Variants in CELSR3 observed in about 807,000 individuals in gnomAD.
CELSR3 encodes EGF-like protein 1.
In CELSR3, 73 loss-of-function variants were observed where a neutral mutation model predicts 270.0. The observed-to-expected ratio is 0.27, with a 90% confidence interval of 0.22 to 0.33. CELSR3 has a LOEUF of 0.33. Ranked by LOEUF, CELSR3 falls within the 10% of genes least tolerant of loss-of-function variation. The probability of loss-of-function intolerance (pLI) is 1.00; values close to 1 mark genes in which losing one functional copy is unlikely to be tolerated. For missense variants in CELSR3, 3,614 were observed against 4,533.8 expected, an observed-to-expected ratio of 0.80 and a Z score of 5.83; for synonymous variants, 1,780 against 1,905.4, an observed-to-expected ratio of 0.93 and a Z score of 1.71.
At position 48,645,711 on chromosome 3, in the gene CELSR3, C is replaced by G. The variant is rs200399505; in HGVS notation, c.7590+31G>C. Reference sequence around the variant, plus strand: ...GAATCCCCGTGTCCCTTTGACCCCCCACTTCCTTGGGACACTGAACACAGC... The same window carrying G: ...GAATCCCCGTGTCCCTTTGACCCCCGACTTCCTTGGGACACTGAACACAGC... On this transcript the variant is annotated intron_variant, in intron 23 of 34. Coordinates refer to ENST00000164024, the MANE Select transcript of CELSR3 (RefSeq NM_001407.3). The surrounding 1 kb of genome is among the most constrained non-coding windows in gnomAD (Gnocchi z 5.4). The G allele has an allele frequency of 1.3e-4, 215 of 1,600,748 alleles. No individual in the cohort carries two copies. Among genetic ancestry groups the G allele is most frequent in the Non-Finnish European group, 1.8e-4 (207 of 1,170,320 alleles).
chr3:48,641,775 A>C lies in CELSR3; in HGVS notation c.8824+76T>G. On this transcript the variant is annotated intron_variant, in intron 32 of 34. Coordinates refer to ENST00000164024, the MANE Select transcript of CELSR3 (RefSeq NM_001407.3). The surrounding 1 kb of genome is among the most constrained non-coding windows in gnomAD (Gnocchi z 4.8). ...AAAGACCAGGATGAACCCCAACCGC[A>C]GGAAAGATGGGGAGCTGGAGGGATA... is the stretch of plus-strand genomic sequence containing the variant. 2 of 1,357,362 alleles carry C rather than the reference A, an allele frequency of 1.5e-6. No individual in the cohort carries two copies. Among genetic ancestry groups the C allele is most frequent in the Non-Finnish European group, 2.0e-6 (2 of 1,025,276 alleles). 84.1% of individuals were successfully genotyped at this position (1,357,362 alleles called of 1,614,324 possible). A position where few individuals can be genotyped will look rare whatever the true frequency, so the allele number is the denominator to read the frequency against.
At position 48,641,745 on chromosome 3, in the gene CELSR3, G is replaced by C. The variant is rs2047028360; in HGVS notation, c.8824+106C>G. 8.3e-7 allele frequency: 1 copy of C among 1,199,648 alleles called. No homozygotes were observed. Among genetic ancestry groups the C allele is most frequent in the Non-Finnish European group, 1.1e-6 (1 of 883,340 alleles). The allele number at this position is 1,199,648 out of a possible 1,614,324, so 74.3% of individuals were successfully genotyped here. On this transcript the variant is annotated intron_variant, in intron 32 of 34. Transcript: ENST00000164024. This position sits in a 1 kb window ranked among gnomAD's most constrained non-coding sequence, Gnocchi z 4.8. ...AGTTGGGGAACCTGATGACTGAGGG[G>C]TCAGAAAGACCAGGATGAACCCCAA... is the stretch of plus-strand genomic sequence containing the variant.
At position 48,640,030 on chromosome 3, in the gene CELSR3, G is replaced by A. The variant is rs767852317; in HGVS notation, c.9555C>T (p.Leu3185=). ...GAGAGTCCAGCGGCCGGGATGGCAAGAGGGGGTCCCTTGAGAGTTGCCGCT... is the reference window on the plus strand; with the variant it reads ...GAGAGTCCAGCGGCCGGGATGGCAAAAGGGGGTCCCTTGAGAGTTGCCGCT... ...SPQRQLSRDP[L]LPSRPLDSLS... Residue 3185 remains leucine (L), a synonymous_variant, in exon 34 of 35, where the codon CTC becomes CTT. Coordinates refer to ENST00000164024, the MANE Select transcript of CELSR3 (RefSeq NM_001407.3). This position sits in a 1 kb window ranked among gnomAD's most constrained non-coding sequence, Gnocchi z 7.5. 1 of 1,611,424 alleles carries A rather than the reference G, an allele frequency of 6.2e-7. No individual in the cohort carries two copies. The highest frequency in any genetic ancestry group is 1.3e-5 in the African/African-American group (1 of 74,926).
chr3:48,644,139 G>A lies in CELSR3; in HGVS notation c.8165+77C>T. 7.9e-7 allele frequency: 1 copy of A among 1,265,184 alleles called. No homozygotes were observed. The highest frequency in any genetic ancestry group is 1.9e-5 in the Admixed American group (1 of 52,162). 78.4% of individuals were successfully genotyped at this position (1,265,184 alleles called of 1,614,324 possible). On this transcript the variant is annotated intron_variant, in intron 27 of 34. Coordinates refer to ENST00000164024, the MANE Select transcript of CELSR3 (RefSeq NM_001407.3). This position sits in a 1 kb window ranked among gnomAD's most constrained non-coding sequence, Gnocchi z 4.8. ...TTGGAGCCCAACCTGCACCAGGGAA[G>A]ATCTGGGGGCCCCAGACCCCACCCA...
intron 34 of CELSR3, among the ~76,000 whole-genome samples, chr3:48,638,510 TTA>T (rs1304046959): frequency 6.6e-6 from 1 of 152,150 alleles, no homozygotes; most frequent in Non-Finnish European, 1.5e-5. Context: ...TTGACAGATA[TTA>T]TCTCATAGAT....
Position 48,644,086 on chromosome 3 carries a change from G to A in CELSR3, c.8165+130C>T. ...CAGAGAGGGACCACAGGTCAGGGCA[G>A]GTGTGACTTCATTCCTTCATCTAGA... On this transcript the variant is annotated intron_variant, in intron 27 of 34. Coordinates refer to ENST00000164024, the MANE Select transcript of CELSR3 (RefSeq NM_001407.3). The surrounding 1 kb of genome is among the most constrained non-coding windows in gnomAD (Gnocchi z 4.8). 2 of 721,364 alleles carry A rather than the reference G, an allele frequency of 2.8e-6. 1 individual carries two copies. The highest frequency in any genetic ancestry group is 4.8e-6 in the Non-Finnish European group (2 of 420,158). 44.7% of individuals were successfully genotyped at this position (721,364 alleles called of 1,614,324 possible).
chr3:48,652,469 C>G lies in CELSR3; in HGVS notation c.5719G>C (p.Glu1907Gln), dbSNP rs770163068. 1 of 1,613,894 alleles carries G rather than the reference C, an allele frequency of 6.2e-7. No individual in the cohort carries two copies. The highest frequency in any genetic ancestry group is 8.5e-7 in the Non-Finnish European group (1 of 1,179,984). ...CAGCCAACCAGACCCTGAGGAGCCT[C>G]CTCTGCACTGCCGGGGGGCAGGCCT... ...VGGLPPGSAE[E>Q]APQGLVGCIQ... Residue 1907 changes from glutamate (E) to glutamine (Q), a missense_variant, in exon 11 of 35, where the codon GAG (glutamate) becomes CAG (glutamine). By Grantham distance (29) the Glu-to-Gln change is conservative (BLOSUM62 2). Coordinates refer to ENST00000164024, the MANE Select transcript of CELSR3 (RefSeq NM_001407.3). This position sits in a 1 kb window ranked among gnomAD's most constrained non-coding sequence, Gnocchi z 4.3.
rs3733085 is a variant in CELSR3, at chr3:48,662,166, C to T, written c.469G>A (p.Ala157Thr). 2 of 1,612,086 alleles carry T rather than the reference C, an allele frequency of 1.2e-6. No homozygotes were observed. Among genetic ancestry groups the T allele is most frequent in the Non-Finnish European group, 1.7e-6 (2 of 1,179,144 alleles). ...GAGCCCGGGACCCCTGAGGACAGAG[C>T]CCCTGGTGACAGACTACCTCTTTGC... ...PLQRGSLSPG[A>T]LSSGVPGSGN... is the part of the protein sequence containing the mutation. Residue 157 changes from alanine to threonine, a missense_variant, in exon 1 of 35, where the codon GCT (alanine) becomes ACT (threonine). Transcript: ENST00000164024. The surrounding 1 kb of genome is among the most constrained non-coding windows in gnomAD (Gnocchi z 7.1).
rs201758121 is a variant in CELSR3, at chr3:48,651,098, C to A, written c.6187-23G>T. On this transcript the variant is annotated intron_variant, in intron 14 of 34. Coordinates refer to ENST00000164024, the MANE Select transcript of CELSR3 (RefSeq NM_001407.3). The surrounding 1 kb of genome is among the most constrained non-coding windows in gnomAD (Gnocchi z 7.4). ...CTCCTGTTTGAGGATGGGCCAGGGGCCTGAAGTCAGAGGTCAGGGCTTGGG... is the reference window on the plus strand; with the variant it reads ...CTCCTGTTTGAGGATGGGCCAGGGGACTGAAGTCAGAGGTCAGGGCTTGGG... 1.3e-6 allele frequency: 2 copies of A among 1,541,720 alleles called. No individual in the cohort carries two copies. The highest frequency in any genetic ancestry group is 2.3e-5 in the East Asian group (1 of 44,318).
chr3:48,643,100 G>T lies in CELSR3; in HGVS notation c.8290-17C>A, dbSNP rs749288012. ...CGCCAGGCCCTGTGGGTCAGCGAGG[G>T]TCAAAGCAGAGTCGGCAGGGATCAA... On this transcript the variant is annotated splice_polypyrimidine_tract_variant and intron_variant, in intron 28 of 34. Transcript: ENST00000164024. 2 of 1,553,368 alleles carry T rather than the reference G, an allele frequency of 1.3e-6. No individual in the cohort carries two copies. Among genetic ancestry groups the T allele is most frequent in the Non-Finnish European group, 1.8e-6 (2 of 1,126,504 alleles).
chr3:48,659,739 A>G lies in CELSR3; in HGVS notation c.2896T>C (p.Tyr966His). Residue 966 changes from tyrosine to histidine, a missense_variant, in exon 1 of 35, where the codon TAT becomes CAT. Physicochemically the swap from Tyr to His is moderately conservative, Grantham distance 83. Transcript: ENST00000164024. This position sits in a 1 kb window ranked among gnomAD's most constrained non-coding sequence, Gnocchi z 8.1. Reference protein sequence around the residue: ...DNAPQFVASHYTGLVSEDAPP... With the variant: ...DNAPQFVASHHTGLVSEDAPP... ...GCATCCTCAGAGACCAGCCCTGTAT[A>G]GTGGGAGGCCACAAATTGTGGAGCA... 6.2e-7 allele frequency: 1 copy of G among 1,614,216 alleles called. No homozygotes were observed. The highest frequency in any genetic ancestry group is 8.5e-7 in the Non-Finnish European group (1 of 1,180,044).
At position 48,658,574 on chromosome 3, in the gene CELSR3, C is replaced by A. The variant is rs2077040993; in HGVS notation, c.3748+313G>T. Among the ~76,000 whole-genome samples the A allele has an allele frequency of 6.6e-6, 1 of 152,200 alleles. No homozygotes were observed. On this transcript the variant is annotated intron_variant, in intron 1 of 34. Coordinates refer to ENST00000164024, the MANE Select transcript of CELSR3 (RefSeq NM_001407.3). The surrounding 1 kb of genome is among the most constrained non-coding windows in gnomAD (Gnocchi z 4.7). ...GGCCCATACTGGCTTTGCCTAGGAC[C>A]TCCAGAGGATTACCCCAGGACCTCT...
In CELSR3 at chr3:48,642,882, T is replaced by C; in HGVS notation, c.8409A>G (p.Gly2803=). The part of the protein sequence containing the change: ...PEEARPAPGL[G]PGAYNNTALF... ...GAGCCGTGTTGTTGTAGGCCCCAGG[T>C]CCCTGGGGGTGGTAGGGACAGAGTG... is the stretch of plus-strand genomic sequence containing the variant. Residue 2803 remains glycine (G), a splice_region_variant and synonymous_variant, in exon 30 of 35, where the codon GGA becomes GGG. Coordinates refer to ENST00000164024, the MANE Select transcript of CELSR3 (RefSeq NM_001407.3). This position sits in a 1 kb window ranked among gnomAD's most constrained non-coding sequence, Gnocchi z 6.1. The C allele has an allele frequency of 6.2e-7, 1 of 1,612,750 alleles. No homozygotes were observed. Among genetic ancestry groups the C allele is most frequent in the Non-Finnish European group, 8.5e-7 (1 of 1,179,730 alleles).
rs2077058200 is a variant in CELSR3, at chr3:48,660,462, C to T, written c.2173G>A (p.Gly725Ser). The T allele has an allele frequency of 1.2e-6, 2 of 1,614,096 alleles. No homozygotes were observed. Residue 725 changes from glycine (G) to serine (S), a missense_variant, in exon 1 of 35, where the codon GGT becomes AGT. This residue lies in a region of CELSR3 where 215 missense variants were observed against 241.2 expected (regional missense o/e 0.89). Coordinates refer to ENST00000164024, the MANE Select transcript of CELSR3 (RefSeq NM_001407.3). The surrounding 1 kb of genome is among the most constrained non-coding windows in gnomAD (Gnocchi z 5.5). Reference protein sequence around the residue: ...DRESVEHYFFGVEARDHGSPP... With the variant: ...DRESVEHYFFSVEARDHGSPP... Reference sequence around the variant, plus strand: ...GAGCCATGGTCTCGAGCCTCCACACCAAAGAAGTAATGCTCCACAGACTCA... The same window carrying T: ...GAGCCATGGTCTCGAGCCTCCACACTAAAGAAGTAATGCTCCACAGACTCA...
Position 48,640,767 on chromosome 3 carries a change from T to C in CELSR3, c.9026-208A>G, listed in dbSNP as rs1490456657. On this transcript the variant is annotated intron_variant, in intron 33 of 34. Coordinates refer to ENST00000164024, the MANE Select transcript of CELSR3 (RefSeq NM_001407.3). This position sits in a 1 kb window ranked among gnomAD's most constrained non-coding sequence, Gnocchi z 7.5. ...GAGTGGAAGGGCAGTCATCTTCCAG[T>C]TGTGGTCCCGGGGCAGGGGGAGGGC... is the stretch of plus-strand genomic sequence containing the variant. 1.3e-5 allele frequency: 7 copies of C among 557,788 alleles called. No individual in the cohort carries two copies. The highest frequency in any genetic ancestry group is 3.5e-5 in the Admixed American group (1 of 28,460). The allele number at this position is 557,788 out of a possible 1,614,324, so 34.6% of individuals were successfully genotyped here.
intron 19 of CELSR3, 28 bp downstream of exon 19, chr3:48,648,238 G>GGCCCCCCCCAAACC: frequency 7.4e-7 from 1 of 1,342,630 alleles, no homozygotes; most frequent in Non-Finnish European, 1.1e-6. Context: ...CCCCTGCTGT[G>GGCCCCCCCCAAACC]CCCCGCCCTA....
Position 48,660,787 on chromosome 3 carries a change from A to G in CELSR3, c.1848T>C (p.Tyr616=). 1 of 1,614,144 alleles carries G rather than the reference A, an allele frequency of 6.2e-7. No homozygotes were observed. The highest frequency in any genetic ancestry group is 8.5e-7 in the Non-Finnish European group (1 of 1,180,028). Residue 616 remains tyrosine (Y), a synonymous_variant, in exon 1 of 35, where the codon TAT becomes TAC. Transcript: ENST00000164024. The surrounding 1 kb of genome is among the most constrained non-coding windows in gnomAD (Gnocchi z 5.5). The stretch of plus-strand genomic sequence containing the variant: ...CATCCTGCGCCCTGATGCGCAAGGC[A>G]TACTCTCTCTCTGCCTCGAAGTCCA... The part of the protein sequence containing the change: ...APLDFEAERE[Y]ALRIRAQDAG...
chr3:48,640,577 TGGG>T lies in CELSR3; in HGVS notation c.9026-21_9026-19del, dbSNP rs749976342. On this transcript the variant is annotated intron_variant, in intron 33 of 34. Transcript: ENST00000164024. This position sits in a 1 kb window ranked among gnomAD's most constrained non-coding sequence, Gnocchi z 7.5. ...CAGGATGCCTGTGAGAGGAAGAAAATGGGGGGCAGGGTTTGTGTGGGAGGGGGA... is the reference window on the plus strand; with the variant it reads ...CAGGATGCCTGTGAGAGGAAGAAAATGGGCAGGGTTTGTGTGGGAGGGGGA... 7.5e-5 allele frequency: 103 copies of T among 1,375,992 alleles called. 1 individual carries two copies. The highest frequency in any genetic ancestry group is 9.8e-5 in the Non-Finnish European group (103 of 1,049,206). 85.2% of individuals were successfully genotyped at this position (1,375,992 alleles called of 1,614,324 possible).
chr3:48,656,069 G>A, intron 3 of CELSR3, 71 bp downstream of exon 3: 1 of 1,422,028 alleles, frequency 7.0e-7, no homozygotes, highest in Non-Finnish European at 9.5e-7. Flanking sequence ...GGACGGGGCA[G>A]TCAGGAATCT....
Sources: allele counts gnomAD v4.1 joint callset (sites outside exome capture counted in the v4.1 genomes callset), GRCh38; gene constraint gnomAD v4.1.1; regional missense constraint gnomAD v4.1.1; non-coding constraint Gnocchi (gnomAD v3.1); transcripts MANE v1.5; gene names NCBI Gene and HGNC (gene_info 2026-07-23, HGNC 2026-07-21).